The following SLC12A6 variants were observed in gnomAD, a reference collection of about 807,000 sequenced individuals.
SLC12A6 encodes K-Cl cotransporter 3.
In SLC12A6, 66 loss-of-function variants were observed where a neutral mutation model predicts 135.3. The ratio of observed to expected loss-of-function variants is 0.49; its 90% CI spans 0.40 to 0.60. The LOEUF is 0.60. SLC12A6 is among the 20% of genes least tolerant of loss of function. The pLI is 0.00. For missense variants in SLC12A6, 1,058 were observed against 1,452.3 expected (o/e 0.73, Z 4.41); for synonymous variants, 513 against 508.8 (o/e 1.01, Z -0.11).
chr15:34,321,387 A>T (rs1889079401), intron 2 of SLC12A6, among the ~76,000 whole-genome samples: 1 of 152,244 alleles, frequency 6.6e-6, no homozygotes, highest in South Asian at 2.1e-4. Context: ...GTGATTAAAG[A>T]AGGTGGGATG....
chr15:34,250,638 G>C lies in SLC12A6; in HGVS notation c.1584C>G (p.Ser528=). 6.5e-7 allele frequency: 1 copy of C among 1,543,994 alleles called. No homozygotes were observed. The highest frequency in any genetic ancestry group is 9.0e-7 in the Non-Finnish European group (1 of 1,116,316). The change falls in exon 12 of 26, where the codon TCC becomes TCG. Residue 528 remains serine, a synonymous_variant. Transcript: ENST00000354181. ...IGTILAILTT[S]FVYLSNVVLF... ...GATCCATAAAAAGGATACAAACAAA[G>C]GAGGTGGTCAGGATGGCAAGGATAG...
At position 34,229,964 on chromosome 15, in the gene SLC12A6, A is replaced by C. The variant is rs772615183; in HGVS notation, c.*3917T>G. The C allele has an allele frequency of 1.5e-6, 1 of 651,514 alleles. No individual in the cohort carries two copies. The highest frequency in any genetic ancestry group is 1.8e-5 in the South Asian group (1 of 56,698). The allele number at this position is 651,514 out of a possible 1,614,324, so 40.4% of individuals were successfully genotyped here. On this transcript the variant is annotated 3_prime_UTR_variant, in exon 26 of 26. Coordinates refer to ENST00000354181, the MANE Select transcript of SLC12A6 (RefSeq NM_001365088.1). ...AGAAGGACAATGTGCATATTACGAC[A>C]AACACAAAGAAACTATACCATAACC...
At chr15:34,269,300 A>G (rs1429176935) in intron 3 of SLC12A6, among the ~76,000 whole-genome samples, 1 of 146,424 alleles carries the variant, frequency 6.8e-6, no homozygotes, top group African/African-American at 2.7e-5. Flanking sequence ...TTTTCATGGC[A>G]TATTTTTTTT....
intron 2 of SLC12A6, among the ~76,000 whole-genome samples, chr15:34,283,658 G>A (rs1018198720): frequency 1.3e-5 from 2 of 151,832 alleles, no homozygotes; most frequent in Non-Finnish European, 2.9e-5. Context: ...TTTTAAAGAG[G>A]GTAAATTAGG....
intron 2 of SLC12A6, among the ~76,000 whole-genome samples, chr15:34,310,629 AGTGTGT>A (rs61718499): frequency 6.1e-3 from 37 of 6,052 alleles, no homozygotes; most frequent in African/African-American, 0.014. Flanking sequence ...CCTGGGCTCA[AGTGTGT>A]GTGTGTGTGT....
chr15:34,275,494 T>A (rs1894239190), intron 2 of SLC12A6, 105 bp from the exon 3 acceptor site: 5 of 694,826 alleles, frequency 7.2e-6, no homozygotes, highest in Admixed American at 4.3e-5. Context: ...AGCAAAAAAA[T>A]TTAAAAACTT....
intron 2 of SLC12A6, among the ~76,000 whole-genome samples, chr15:34,332,212 C>G (rs16959015): frequency 6.6e-6 from 1 of 152,164 alleles, no homozygotes; most frequent in Non-Finnish European, 1.5e-5. Context: ...TAGATCATAA[C>G]TTTCCTTAGA....
intron 6 of SLC12A6, 62 bp from the exon 7 acceptor site, chr15:34,256,345 C>G: frequency 8.7e-7 from 1 of 1,154,422 alleles, no homozygotes; most frequent in Non-Finnish European, 1.3e-6. Context: ...TATACTACTT[C>G]TCCATTTGTG....
rs76166065 is a variant in SLC12A6, at chr15:34,278,026, T to C, written c.272-2637A>G. ...ATAGGCTAAAACAAGTTATTCGAAA[T>C]TGCCAGGGAATACAACCTATGAAGA... On this transcript the variant is annotated intron_variant, in intron 2 of 25. Transcript: ENST00000354181. Among the ~76,000 whole-genome samples, 714 of 152,300 alleles carry C rather than the reference T, an allele frequency of 4.7e-3. 24 individuals carry two copies. Among genetic ancestry groups the C allele is most frequent in the Admixed American group, 0.039 (602 of 15,304 alleles).
At position 34,233,615 on chromosome 15, in the gene SLC12A6, A is replaced by G. The variant is rs1283550504; in HGVS notation, c.*266T>C. ...TTTATTGGCTCAGCTTGTTAATTCT[A>G]ATTTGCCTTTGACTGCTCAGACGTG... On this transcript the variant is annotated 3_prime_UTR_variant, in exon 26 of 26. Coordinates refer to ENST00000354181, the MANE Select transcript of SLC12A6 (RefSeq NM_001365088.1). 1.0e-5 allele frequency: 4 copies of G among 392,166 alleles called. No homozygotes were observed. The East Asian group carries it at 1.4e-4, about 14-fold the overall frequency. The allele number at this position is 392,166 out of a possible 1,614,324, so 24.3% of individuals were successfully genotyped here.
In SLC12A6 at chr15:34,324,236, T is replaced by C. The variant is rs187288816; in HGVS notation, c.271+12174A>G. Among the ~76,000 whole-genome samples, 337 of 152,308 alleles carry C rather than the reference T, an allele frequency of 2.2e-3. 1 individual carries two copies. Among genetic ancestry groups the C allele is most frequent in the African/African-American group, 8.1e-3 (335 of 41,556 alleles). On this transcript the variant is annotated intron_variant, in intron 2 of 25. Coordinates refer to ENST00000354181, the MANE Select transcript of SLC12A6 (RefSeq NM_001365088.1). ...CCTGCAGTACATGGCATACGATGAATTATTATTCAACGATAAACAGGAATC... is the reference window on the plus strand; with the variant it reads ...CCTGCAGTACATGGCATACGATGAACTATTATTCAACGATAAACAGGAATC...
intron 2 of SLC12A6, among the ~76,000 whole-genome samples, chr15:34,307,155 C>A (rs1051869960): frequency 2.6e-5 from 4 of 152,122 alleles, no homozygotes; most frequent in Non-Finnish European, 5.9e-5. Flanking sequence ...GTACAGTTAA[C>A]TTTATGTCAA....
intron 2 of SLC12A6, among the ~76,000 whole-genome samples, chr15:34,316,912 G>A (rs1289519980): frequency 6.6e-6 from 1 of 152,196 alleles, no homozygotes; most frequent in Non-Finnish European, 1.5e-5. Context: ...AATTAACGAA[G>A]ACAACAGCAA....
chr15:34,283,119 G>C (rs562633527), intron 2 of SLC12A6, among the ~76,000 whole-genome samples: 56 of 152,164 alleles, frequency 3.7e-4, no homozygotes, highest in Non-Finnish European at 7.5e-4. Flanking sequence ...AAGGCAGGTG[G>C]ATCACCTGAG....
At chr15:34,280,143 T>C (rs1434661472) in intron 2 of SLC12A6, among the ~76,000 whole-genome samples, 2 of 152,204 alleles carry the variant, frequency 1.3e-5, no homozygotes, top group Non-Finnish European at 2.9e-5. Flanking sequence ...TTGAACAAAA[T>C]TTCCTTTGAG....
intron 2 of SLC12A6, among the ~76,000 whole-genome samples, chr15:34,292,461 G>A (rs1364840732): frequency 6.6e-6 from 1 of 152,224 alleles, no homozygotes; most frequent in Non-Finnish European, 1.5e-5. Flanking sequence ...AACCACTTGA[G>A]GAGGCAGTGT....
chr15:34,295,419 G>A (rs554916896), intron 2 of SLC12A6, among the ~76,000 whole-genome samples: 26 of 152,234 alleles, frequency 1.7e-4, no homozygotes, highest in African/African-American at 5.8e-4. Flanking sequence ...ACAGAAAATT[G>A]AGATAAGCCA....
chr15:34,292,851 G>A (rs915799935), intron 2 of SLC12A6, among the ~76,000 whole-genome samples: 1 of 152,162 alleles, frequency 6.6e-6, no homozygotes, highest in Non-Finnish European at 1.5e-5. Context: ...TGGTCTGATG[G>A]TTGTGAAGAC....
intron 7 of SLC12A6, 127 bp from the exon 8 acceptor site, chr15:34,255,519 A>C: frequency 2.8e-6 from 2 of 717,604 alleles, no homozygotes; most frequent in Non-Finnish European, 4.8e-6. Context: ...CAAACCCTCA[A>C]TGTGATAAAA....
Sources: gnomAD v4.1 joint callset for allele counts (sites outside exome capture counted in the v4.1 genomes callset) on GRCh38, gnomAD v4.1.1 for gene constraint, MANE v1.5 for transcripts, NCBI Gene and HGNC (gene_info 2026-07-23, HGNC 2026-07-21) for gene names.